CCSER1: variants seen among roughly 807,000 people sequenced by gnomAD.
The protein encoded by CCSER1 is coiled-coil serine rich protein 1, also known as serine-rich coiled-coil domain-containing protein 1.
CCSER1 carries 41 observed loss-of-function variants against 82.0 expected under a neutral mutation model. That is an observed-to-expected ratio of 0.50 (90% confidence interval 0.39 to 0.65). The LOEUF (loss-of-function observed/expected upper bound fraction) is 0.65. Ranked by LOEUF, CCSER1 falls within the 30% of genes least tolerant of loss-of-function variation. The pLI is 0.00. For missense variants in CCSER1, 1,119 were observed against 1,064.2 expected (o/e 1.05, Z -0.72); for synonymous variants, 414 against 383.9 (o/e 1.08, Z -0.92).
chr4:90,258,190 G>A (rs150479902), intron 1 of CCSER1, among the ~76,000 whole-genome samples: 59 of 152,214 alleles, frequency 3.9e-4, no homozygotes, highest in African/African-American at 1.3e-3. Flanking sequence ...CTACTGGTAT[G>A]ACATCACAGA....
At chr4:91,068,364 A>G (rs1294670237) in intron 9 of CCSER1, among the ~76,000 whole-genome samples, 1 of 152,234 alleles carries the variant, frequency 6.6e-6, no homozygotes, top group Non-Finnish European at 1.5e-5. Flanking sequence ...TCTGTGAGAT[A>G]AAAATGTAAG....
chr4:91,358,445 C>A, intron 10 of CCSER1, among the ~76,000 whole-genome samples: 1 of 136,472 alleles, frequency 7.3e-6, no homozygotes, highest in Admixed American at 8.1e-5. Context: ...ACCACACATA[C>A]CACAAGACAA....
intron 8 of CCSER1, among the ~76,000 whole-genome samples, chr4:90,826,037 G>A (rs1047386773): frequency 1.5e-4 from 23 of 152,170 alleles, no homozygotes; most frequent in African/African-American, 4.6e-4. Context: ...AAGGAAACAA[G>A]CTAATACAAA....
intron 8 of CCSER1, among the ~76,000 whole-genome samples, chr4:90,922,790 T>C (rs17250564): frequency 0.013 from 1,911 of 152,226 alleles, 30 homozygotes; most frequent in Admixed American, 0.039. Flanking sequence ...CAGATTAGTT[T>C]ACTCAGAAAT....
At chr4:90,393,908 A>T (rs1318461155) in intron 3 of CCSER1, among the ~76,000 whole-genome samples, 1 of 148,234 alleles carries the variant, frequency 6.7e-6, no homozygotes, top group Non-Finnish European at 1.5e-5. Flanking sequence ...CCCCCTGCGT[A>T]GCTGGACTGT....
At chr4:91,253,875 A>G (rs899196021) in intron 10 of CCSER1, among the ~76,000 whole-genome samples, 1 of 152,062 alleles carries the variant, frequency 6.6e-6, no homozygotes, top group African/African-American at 2.4e-5. Context: ...GAGGTGCTAC[A>G]CACTTTAAAA....
intron 5 of CCSER1, among the ~76,000 whole-genome samples, chr4:90,470,231 A>T (rs2153589702): frequency 6.6e-6 from 1 of 152,170 alleles, no homozygotes; most frequent in Non-Finnish European, 1.5e-5. Context: ...ATATTTTCTT[A>T]TTTCAGCAGA....
At chr4:90,558,330 C>A (rs1304781582) in intron 5 of CCSER1, among the ~76,000 whole-genome samples, 1 of 152,106 alleles carries the variant, frequency 6.6e-6, no homozygotes, top group Non-Finnish European at 1.5e-5. Flanking sequence ...ATAAAATTAA[C>A]ATATAGAAAT....
At chr4:91,347,721 T>C (rs1337491041) in intron 10 of CCSER1, among the ~76,000 whole-genome samples, 5 of 152,084 alleles carry the variant, frequency 3.3e-5, no homozygotes, top group African/African-American at 1.2e-4. Flanking sequence ...ATTCAATTTT[T>C]GAGATGTACT....
At chr4:91,019,508 A>T (rs991579139) in intron 9 of CCSER1, among the ~76,000 whole-genome samples, 1 of 152,158 alleles carries the variant, frequency 6.6e-6, no homozygotes, top group African/African-American at 2.4e-5. Flanking sequence ...AACATTATCA[A>T]CTTTGTGCTT....
In CCSER1 at chr4:90,170,143, C is replaced by T. The variant is rs77752756; in HGVS notation, c.-42+42312C>T. On this transcript the variant is annotated intron_variant, in intron 1 of 10. Coordinates refer to ENST00000509176, the MANE Select transcript of CCSER1 (RefSeq NM_001145065.2). ...CAATCATCTACCCATTATATACACA[C>T]TACTGAAATATATCTATTACCAGGC... Among the ~76,000 whole-genome samples the T allele has an allele frequency of 6.7e-4, 102 of 152,118 alleles. 1 individual carries two copies. In the East Asian group the frequency reaches 0.013, roughly 19 times the overall value.
chr4:91,434,302 G>A (rs1298266410), intron 10 of CCSER1, among the ~76,000 whole-genome samples: 4 of 151,952 alleles, frequency 2.6e-5, no homozygotes, highest in South Asian at 2.1e-4. Flanking sequence ...GGTTATGTTC[G>A]TAATTAGAAT....
At chr4:90,776,372 A>G (rs1752892517) in intron 7 of CCSER1, among the ~76,000 whole-genome samples, 1 of 152,192 alleles carries the variant, frequency 6.6e-6, no homozygotes, top group Non-Finnish European at 1.5e-5. Context: ...AATTTCTTGA[A>G]AGTTATCTCA....
At chr4:90,203,894 C>T (rs906318887) in intron 1 of CCSER1, among the ~76,000 whole-genome samples, 5 of 152,042 alleles carry the variant, frequency 3.3e-5, no homozygotes, top group African/African-American at 7.2e-5. Context: ...CTAACTGGCA[C>T]GAGATGGTAT....
intron 1 of CCSER1, among the ~76,000 whole-genome samples, chr4:90,128,948 A>G (rs1268128760): frequency 6.6e-6 from 1 of 152,100 alleles, no homozygotes. Context: ...TTACAGGTAG[A>G]AAAAAATACT....
intron 10 of CCSER1, among the ~76,000 whole-genome samples, chr4:91,139,264 A>AT (rs371116774): frequency 0.025 from 3,775 of 148,782 alleles, 138 homozygotes; most frequent in African/African-American, 0.085. Context: ...TATGTACCAC[A>AT]TTTTTTTTTT....
At chr4:90,417,233 A>T (rs191981006) in intron 4 of CCSER1, among the ~76,000 whole-genome samples, 319 of 152,258 alleles carry the variant, frequency 2.1e-3, no homozygotes, top group African/African-American at 6.8e-3. Context: ...AAAAAAATTT[A>T]AAAAAACCAA....
At chr4:91,317,603 CGTGTGT>C (rs901591752) in intron 10 of CCSER1, among the ~76,000 whole-genome samples, 25 of 148,546 alleles carry the variant, frequency 1.7e-4, no homozygotes, top group African/African-American at 6.3e-4. Context: ...TGTGTGTGTG[CGTGTGT>C]GTGTGTGTGC....
chr4:91,036,069 G>A (rs967728848), intron 9 of CCSER1, among the ~76,000 whole-genome samples: 1 of 152,182 alleles, frequency 6.6e-6, no homozygotes, highest in South Asian at 2.1e-4. Context: ...AAATATGTTT[G>A]TGTGAAGCAG....
Sources: allele counts gnomAD v4.1 joint callset (sites outside exome capture counted in the v4.1 genomes callset), GRCh38; gene constraint gnomAD v4.1.1; transcripts MANE v1.5; gene names NCBI Gene and HGNC (gene_info 2026-07-23, HGNC 2026-07-21).